Variants in ANO6 observed in about 807,000 individuals in gnomAD.
ANO6 encodes anoctamin-6.
ANO6 carries 106 observed loss-of-function variants against 117.5 expected under a neutral mutation model. That is an observed-to-expected ratio of 0.90 (90% confidence interval 0.77 to 1.06). ANO6 has a LOEUF of 1.06. Ranked by LOEUF, ANO6 falls within the 50% of genes least tolerant of loss-of-function variation. ANO6 has a pLI of 0.00. For synonymous variants in ANO6, 367 were observed against 385.1 expected (o/e 0.95, Z 0.55); for missense variants, 955 against 1,121.1 (o/e 0.85, Z 2.12).
At chr12:45,333,109 G>A (rs770008163) in intron 3 of ANO6, among the ~76,000 whole-genome samples, 2 of 151,710 alleles carry the variant, frequency 1.3e-5, no homozygotes, top group Non-Finnish European at 2.9e-5. Flanking sequence ...CAGGGAAATT[G>A]GATCCTAATA....
chr12:45,393,942 G>A (rs1376939871), intron 12 of ANO6, among the ~76,000 whole-genome samples: 3 of 152,104 alleles, frequency 2.0e-5, no homozygotes, highest in Admixed American at 6.6e-5. Flanking sequence ...TTTAATTAAC[G>A]GGCAGAATAA....
In ANO6 at chr12:45,348,628, T is replaced by A. The variant is rs750836318; in HGVS notation, c.744T>A (p.His248Gln). 6.2e-7 allele frequency: 1 copy of A among 1,612,626 alleles called. No homozygotes were observed. Among genetic ancestry groups the A allele is most frequent in the African/African-American group, 1.3e-5 (1 of 75,006 alleles). Residue 248 changes from histidine to glutamine, a missense_variant, in exon 6 of 20, where the codon CAT becomes CAA. Physicochemically the swap from His to Gln is conservative, Grantham distance 24 (BLOSUM62 0). Transcript: ENST00000320560. ...TCTACAAGGCAGCTTTCCCACTCCA[T>A]GATGTAAGTTAAAAGGCAAAAATGA... is the stretch of plus-strand genomic sequence containing the variant. ...SGIYKAAFPL[H>Q]DCKFRRQSED...
chr12:45,327,124 TAATAAGATTGTTCA>T (rs1234791303), intron 2 of ANO6, among the ~76,000 whole-genome samples: 1 of 152,044 alleles, frequency 6.6e-6, no homozygotes, highest in Non-Finnish European at 1.5e-5. Flanking sequence ...AGTGTTTAAA[TAATAAGATTGTTCA>T]AATAAGTGAA....
intron 10 of ANO6, among the ~76,000 whole-genome samples, chr12:45,380,172 A>G (rs1019417576): frequency 1.6e-4 from 25 of 152,192 alleles, no homozygotes; most frequent in Non-Finnish European, 2.9e-5. Flanking sequence ...AAAAATGTCC[A>G]TCCTTTCAGG....
chr12:45,265,682 A>G lies in ANO6; in HGVS notation c.71-36332A>G, dbSNP rs905686198. On this transcript the variant is annotated intron_variant, in intron 1 of 19. Transcript: ENST00000320560. The stretch of plus-strand genomic sequence containing the variant: ...CTACCACCTCCAGTCCATTCTGCAC[A>G]TCACTGCTGGCCCCATCATGTGCTT... Among the ~76,000 whole-genome samples the G allele has an allele frequency of 2.6e-5, 4 of 152,184 alleles. No individual in the cohort carries two copies. In the East Asian group the frequency reaches 5.8e-4, roughly 22 times the overall value.
chr12:45,404,781 A>AT (rs567409575), intron 15 of ANO6, among the ~76,000 whole-genome samples: 2 of 151,996 alleles, frequency 1.3e-5, no homozygotes, highest in Admixed American at 6.6e-5. Context: ...ATAGCTGGGA[A>AT]TTTTTTAAAA....
rs545921203 is a variant in ANO6, at chr12:45,346,103, T to C, written c.280-919T>C. On this transcript the variant is annotated intron_variant, in intron 3 of 19. Coordinates refer to ENST00000320560, the MANE Select transcript of ANO6 (RefSeq NM_001025356.3). ...GTTAAGTCTGCCCTTGTGGCCTGATTACCCTTCAGTAGGCCCCACCTCTCA... is the reference window on the plus strand; with the variant it reads ...GTTAAGTCTGCCCTTGTGGCCTGATCACCCTTCAGTAGGCCCCACCTCTCA... Among the ~76,000 whole-genome samples, 18 of 152,278 alleles carry C rather than the reference T, an allele frequency of 1.2e-4. No homozygotes were observed. The South Asian group carries it at 3.5e-3, about 30-fold the overall frequency.
In ANO6 at chr12:45,255,771, G is replaced by T. The variant is rs185625587; in HGVS notation, c.70+39380G>T. 4.7e-5 allele frequency among the ~76,000 whole-genome samples: 7 copies of T among 150,304 alleles called. No individual in the cohort carries two copies. The East Asian group carries it at 1.4e-3, about 30-fold the overall frequency. The stretch of plus-strand genomic sequence containing the variant: ...TGACTCCATGAGCTCCTCCTGGATG[G>T]ATCATACATCTCCATCTCCATCTGG... On this transcript the variant is annotated intron_variant, in intron 1 of 19. Coordinates refer to ENST00000320560, the MANE Select transcript of ANO6 (RefSeq NM_001025356.3).
chr12:45,421,394 A>C lies in ANO6; in HGVS notation c.2420+121A>C, dbSNP rs73283310. 3.0e-3 allele frequency: 3,199 copies of C among 1,051,592 alleles called. 56 individuals are homozygous for C. In the African/African-American group the frequency reaches 0.046, roughly 15 times the overall value. The allele number at this position is 1,051,592 out of a possible 1,614,324, so 65.1% of individuals were successfully genotyped here. On this transcript the variant is annotated intron_variant, in intron 18 of 19. Transcript: ENST00000320560. ...TTTCTTTATAACTTCAGGATCAATC[A>C]GGTGCTTTGGTGTCATTTAAATCAA...
intron 1 of ANO6, among the ~76,000 whole-genome samples, chr12:45,235,555 A>G (rs1340899961): frequency 2.0e-5 from 3 of 152,182 alleles, no homozygotes; most frequent in Non-Finnish European, 4.4e-5. Flanking sequence ...GGAATGACCT[A>G]GTTGAGTGGC....
rs182678484 is a variant in ANO6, at chr12:45,431,439, G to A, written c.*2128G>A. 2 of 985,378 alleles carry A rather than the reference G, an allele frequency of 2.0e-6. No homozygotes were observed. Among genetic ancestry groups the A allele is most frequent in the East Asian group, 1.1e-4 (1 of 8,818 alleles). 61.0% of individuals were successfully genotyped at this position (985,378 alleles called of 1,614,324 possible). On this transcript the variant is annotated 3_prime_UTR_variant, in exon 20 of 20. Coordinates refer to ENST00000320560, the MANE Select transcript of ANO6 (RefSeq NM_001025356.3). ...AATGTTTTTACCTTATCTCCTGTAT[G>A]TATGATAGAACTTAAAAGAAATGTG...
intron 1 of ANO6, among the ~76,000 whole-genome samples, chr12:45,290,867 C>G (rs548530016): frequency 6.6e-6 from 1 of 152,250 alleles, no homozygotes; most frequent in South Asian, 2.1e-4. Context: ...TCAGAGGATT[C>G]ATGGGTTCTG....
At chr12:45,331,092 G>C (rs986350481) in intron 2 of ANO6, among the ~76,000 whole-genome samples, 14 of 151,678 alleles carry the variant, frequency 9.2e-5, no homozygotes, top group Admixed American at 3.3e-4. Flanking sequence ...ATGCTGTACT[G>C]TTCAATTCAA....
intron 1 of ANO6, chr12:45,292,539 G>A (rs898065489): frequency 1.9e-6 from 1 of 529,452 alleles, no homozygotes; most frequent in Admixed American, 6.1e-5. Context: ...CAGTGAATCT[G>A]ATAGGTTTGC....
Position 45,429,826 on chromosome 12 carries a change from G to T in ANO6, c.*515G>T. 1 of 991,468 alleles carries T rather than the reference G, an allele frequency of 1.0e-6. No individual in the cohort carries two copies. The allele number at this position is 991,468 out of a possible 1,614,324, so 61.4% of individuals were successfully genotyped here. On this transcript the variant is annotated 3_prime_UTR_variant, in exon 20 of 20. Coordinates refer to ENST00000320560, the MANE Select transcript of ANO6 (RefSeq NM_001025356.3). ...AGACTCAAGGATTCACAATATTTAG[G>T]TGTATTTTCAATACCTCCAGAAAGG...
intron 2 of ANO6, among the ~76,000 whole-genome samples, chr12:45,311,007 A>G (rs1939831554): frequency 6.6e-6 from 1 of 152,096 alleles, no homozygotes; most frequent in Non-Finnish European, 1.5e-5. Context: ...CAAACTGAAT[A>G]CATTACTTTT....
intron 7 of ANO6, among the ~76,000 whole-genome samples, chr12:45,353,810 A>G (rs1367038202): frequency 6.6e-6 from 1 of 152,216 alleles, no homozygotes; most frequent in African/African-American, 2.4e-5. Flanking sequence ...TCACAAGACA[A>G]GGGCAGGGTC....
chr12:45,305,193 T>C (rs1298762729), intron 2 of ANO6, among the ~76,000 whole-genome samples: 3 of 152,116 alleles, frequency 2.0e-5, no homozygotes, highest in Non-Finnish European at 4.4e-5. Context: ...AACTGTGACA[T>C]AGACACACTC....
At position 45,429,497 on chromosome 12, in the gene ANO6, C is replaced by T. The variant is rs1592058515; in HGVS notation, c.*186C>T. 1.4e-6 allele frequency: 2 copies of T among 1,417,800 alleles called. No homozygotes were observed. The highest frequency in any genetic ancestry group is 1.8e-6 in the Non-Finnish European group (2 of 1,090,496). 87.8% of individuals were successfully genotyped at this position (1,417,800 alleles called of 1,614,324 possible). A position where few individuals can be genotyped will look rare whatever the true frequency, so the allele number is the denominator to read the frequency against. On this transcript the variant is annotated 3_prime_UTR_variant, in exon 20 of 20. Transcript: ENST00000320560. ...AAACTGGAAAATGTAAAACTTAGAT[C>T]ATGAAGGGCATAAAACTTATCACCC...
Sources: allele counts gnomAD v4.1 joint callset (sites outside exome capture counted in the v4.1 genomes callset), GRCh38; gene constraint gnomAD v4.1.1; transcripts MANE v1.5; gene names NCBI Gene and HGNC (gene_info 2026-07-23, HGNC 2026-07-21).